The following PRRX2 variants were observed in gnomAD, a reference collection of about 807,000 sequenced individuals.
The protein encoded by PRRX2 is paired related homeobox 2.
Under a neutral mutation model 18.0 loss-of-function variants are expected in PRRX2, and 11 were observed. The ratio of observed to expected loss-of-function variants is 0.61; its 90% CI spans 0.39 to 1.01. PRRX2 has a LOEUF of 1.01. PRRX2 is among the 50% of genes least tolerant of loss of function. PRRX2 has a pLI of 0.01. For missense variants in PRRX2, 387 were observed against 351.0 expected (o/e 1.10, Z -0.82); for synonymous variants, 177 against 154.8 (o/e 1.14, Z -1.06).
At chr9:129,679,041 G>A (rs927642318) in intron 1 of PRRX2, among the ~76,000 whole-genome samples, 2 of 152,208 alleles carry the variant, frequency 1.3e-5, no homozygotes, top group East Asian at 3.9e-4. Flanking sequence ...GGGGCAGGTG[G>A]CCGTGCCCCA....
chr9:129,706,003 G>A (rs1832552933), intron 1 of PRRX2, among the ~76,000 whole-genome samples: 2 of 152,040 alleles, frequency 1.3e-5, no homozygotes, highest in African/African-American at 4.8e-5. Flanking sequence ...CTCACTACCT[G>A]TGGCACCCCC....
rs1832689631 is a variant in PRRX2, at chr9:129,715,249, A to C, written c.260-3982A>C. Among the ~76,000 whole-genome samples the C allele has an allele frequency of 6.6e-6, 1 of 152,120 alleles. No homozygotes were observed. The highest frequency in any genetic ancestry group is 1.5e-5 in the Non-Finnish European group (1 of 68,036). ...GGGTTTCTCAACCTCAGTGCCATTG[A>C]CATTTTGGACAAGATAATTCATTGA... On this transcript the variant is annotated intron_variant, in intron 1 of 3. Transcript: ENST00000372469. This position sits in a 1 kb window ranked among gnomAD's most constrained non-coding sequence, Gnocchi z 4.0.
At position 129,709,047 on chromosome 9, in the gene PRRX2, G is replaced by C. The variant is rs1484625027; in HGVS notation, c.260-10184G>C. On this transcript the variant is annotated intron_variant, in intron 1 of 3. Coordinates refer to ENST00000372469, the MANE Select transcript of PRRX2 (RefSeq NM_016307.4). The surrounding 1 kb of genome is among the most constrained non-coding windows in gnomAD (Gnocchi z 4.2). Reference sequence around the variant, plus strand: ...GTCCATAACAAGGAGACCTGCGCTTGTATGGGAGCCGGGAAGGCCTCTCAG... The same window carrying C: ...GTCCATAACAAGGAGACCTGCGCTTCTATGGGAGCCGGGAAGGCCTCTCAG... 6.6e-6 allele frequency among the ~76,000 whole-genome samples: 1 copy of C among 152,226 alleles called. No homozygotes were observed. Among genetic ancestry groups the C allele is most frequent in the African/African-American group, 2.4e-5 (1 of 41,454 alleles).
intron 1 of PRRX2, among the ~76,000 whole-genome samples, chr9:129,684,460 C>CA (rs1415884580): frequency 0.028 from 3,445 of 125,160 alleles, 168 homozygotes; most frequent in African/African-American, 0.089. Context: ...ACACACACAC[C>CA]CAACAGAAAA....
In PRRX2 at chr9:129,720,458, C is replaced by T. The variant is rs932823754; in HGVS notation, c.448-138C>T. ...GCAGGCGTCATTTGTCATCCCCATT[C>T]TACAGATGAAAAAACTGAGGGTCAG... On this transcript the variant is annotated intron_variant, in intron 2 of 3. Coordinates refer to ENST00000372469, the MANE Select transcript of PRRX2 (RefSeq NM_016307.4). 5 of 729,652 alleles carry T rather than the reference C, an allele frequency of 6.9e-6. No homozygotes were observed. The African/African-American group carries it at 9.1e-5, about 13-fold the overall frequency. 45.2% of individuals were successfully genotyped at this position (729,652 alleles called of 1,614,324 possible). A position where few individuals can be genotyped will look rare whatever the true frequency, so the allele number is the denominator to read the frequency against.
chr9:129,696,985 C>T (rs918899875), intron 1 of PRRX2, among the ~76,000 whole-genome samples: 34 of 152,216 alleles, frequency 2.2e-4, no homozygotes, highest in African/African-American at 7.7e-4. Context: ...GGGCGACTGA[C>T]CTCCCTCCCT....
chr9:129,684,825 G>C (rs143392978), intron 1 of PRRX2, among the ~76,000 whole-genome samples: 3 of 152,182 alleles, frequency 2.0e-5, no homozygotes, highest in African/African-American at 7.2e-5. Flanking sequence ...ACCTAATCAC[G>C]GAGGGACTGT....
intron 1 of PRRX2, among the ~76,000 whole-genome samples, chr9:129,707,227 G>C (rs932139008): frequency 1.3e-5 from 2 of 152,052 alleles, no homozygotes; most frequent in African/African-American, 4.8e-5. Flanking sequence ...CTGCACTCCA[G>C]CCTGGGCAAC....
chr9:129,679,107 G>T (rs1290996785), intron 1 of PRRX2, among the ~76,000 whole-genome samples: 6 of 152,200 alleles, frequency 3.9e-5, no homozygotes, highest in Admixed American at 3.9e-4. Flanking sequence ...TGGGGACGGG[G>T]GTGCAGATGT....
intron 1 of PRRX2, among the ~76,000 whole-genome samples, chr9:129,686,167 G>A (rs1401187783): frequency 6.6e-6 from 1 of 152,190 alleles, no homozygotes; most frequent in Non-Finnish European, 1.5e-5. Context: ...CAGTGAAGCT[G>A]GAGGGGGCAG....
chr9:129,714,519 C>A (rs143235024), intron 1 of PRRX2, among the ~76,000 whole-genome samples: 2,743 of 152,290 alleles, frequency 0.018, 83 homozygotes, highest in African/African-American at 0.061. Context: ...CTGTCCCAAC[C>A]GGCTCTGGCT....
intron 1 of PRRX2, among the ~76,000 whole-genome samples, chr9:129,701,792 G>A (rs1465369417): frequency 6.6e-6 from 1 of 152,230 alleles, no homozygotes; most frequent in Non-Finnish European, 1.5e-5. Flanking sequence ...ATTTGTAGGA[G>A]ATTTTTTTCC....
At chr9:129,705,950 C>T (rs1832551959) in intron 1 of PRRX2, among the ~76,000 whole-genome samples, 1 of 151,946 alleles carries the variant, frequency 6.6e-6, no homozygotes, top group Non-Finnish European at 1.5e-5. Flanking sequence ...CTCTTGGGGC[C>T]TCCCCGGCAC....
chr9:129,666,567 G>GCCCCCCCCCCCCC (rs563976736), intron 1 of PRRX2, among the ~76,000 whole-genome samples: 3 of 95,966 alleles, frequency 3.1e-5, no homozygotes, highest in African/African-American at 1.2e-4. Context: ...GAGGGTGCCT[G>GCCCCCCCCCCCCC]CCCACCCCCC....
rs140419786 is a variant in PRRX2 at position 129,693,369 on chromosome 9, G to A, written c.260-25862G>A. Among the ~76,000 whole-genome samples, 458 of 152,276 alleles carry A rather than the reference G, an allele frequency of 3.0e-3. 2 individuals are homozygous for A. Among genetic ancestry groups the A allele is most frequent in the African/African-American group, 0.01 (427 of 41,558 alleles). Reference sequence around the variant, plus strand: ...AGCACTTTGGGAGGCCAAGGCGGGCGGATCACCTGAGGTCAGGAGTTCAAG... The same window carrying A: ...AGCACTTTGGGAGGCCAAGGCGGGCAGATCACCTGAGGTCAGGAGTTCAAG... On this transcript the variant is annotated intron_variant, in intron 1 of 3. Transcript: ENST00000372469.
At chr9:129,699,251 C>T (rs7039656) in intron 1 of PRRX2, among the ~76,000 whole-genome samples, 6,260 of 152,204 alleles carry the variant, frequency 0.041, 460 homozygotes, top group African/African-American at 0.14. Context: ...GGTGAAACCT[C>T]GTCTAAAATA....
At position 129,697,938 on chromosome 9, in the gene PRRX2, G is replaced by T. The variant is rs1255979243; in HGVS notation, c.260-21293G>T. Among the ~76,000 whole-genome samples the T allele has an allele frequency of 1.3e-5, 2 of 152,104 alleles. 1 individual carries two copies. The highest frequency in any genetic ancestry group is 4.1e-4 in the South Asian group (2 of 4,822). ...GCATGCGAGAAACGCCAAAATGTGG[G>T]TGGGGGAGGGGAGCGTGGAGGTTGG... On this transcript the variant is annotated intron_variant, in intron 1 of 3. Coordinates refer to ENST00000372469, the MANE Select transcript of PRRX2 (RefSeq NM_016307.4).
At chr9:129,708,544 C>T (rs563680862) in intron 1 of PRRX2, among the ~76,000 whole-genome samples, 1 of 152,218 alleles carries the variant, frequency 6.6e-6, no homozygotes, top group Non-Finnish European at 1.5e-5. Context: ...TGTAAGGGTT[C>T]TTTATATTTT....
At chr9:129,669,468 C>T (rs1397770251) in intron 1 of PRRX2, among the ~76,000 whole-genome samples, 1 of 152,324 alleles carries the variant, frequency 6.6e-6, no homozygotes, top group East Asian at 1.9e-4. Flanking sequence ...GAAACGGGGA[C>T]GTGGACACAC....
Sources: gnomAD v4.1 joint callset for allele counts (sites outside exome capture counted in the v4.1 genomes callset) on GRCh38, gnomAD v4.1.1 for gene constraint, Gnocchi (gnomAD v3.1) non-coding constraint, MANE v1.5 for transcripts, NCBI Gene and HGNC (gene_info 2026-07-23, HGNC 2026-07-21) for gene names.